The following SLC9B2 variants were observed in gnomAD, a reference collection of about 807,000 sequenced individuals.
SLC9B2 encodes solute carrier family 9 member B2.
A neutral mutation model predicts 52.2 loss-of-function variants in SLC9B2; 39 were observed. The ratio of observed to expected loss-of-function variants is 0.75; its 90% CI spans 0.58 to 0.98. The LOEUF is 0.98. Among genes scored for constraint, SLC9B2 ranks in the 50% least tolerant of loss-of-function variants. SLC9B2 has a pLI of 0.00. For missense variants in SLC9B2, 626 were observed against 637.5 expected (o/e 0.98, Z 0.19); for synonymous variants, 214 against 227.0 (o/e 0.94, Z 0.51).
intron 9 of SLC9B2, among the ~76,000 whole-genome samples, chr4:103,042,782 T>C (rs1382066062): frequency 6.6e-6 from 1 of 151,670 alleles, no homozygotes; most frequent in Non-Finnish European, 1.5e-5. Flanking sequence ...TAGAAATTTA[T>C]TGTATAAACT....
At chr4:103,067,638 G>A (rs1165922715) in intron 1 of SLC9B2, 46 bp from the exon 2 acceptor site, 2 of 1,081,312 alleles carry the variant, frequency 1.8e-6, no homozygotes, top group Non-Finnish European at 2.8e-6. Context: ...TGAAAGTCTT[G>A]TGATTTCAAA....
At chr4:103,070,987 C>T (rs968125883) in intron 1 of SLC9B2, among the ~76,000 whole-genome samples, 3 of 151,968 alleles carry the variant, frequency 2.0e-5, no homozygotes, top group African/African-American at 7.3e-5. Context: ...CCTTTTCTCC[C>T]CACTTGAAAG....
intron 4 of SLC9B2, among the ~76,000 whole-genome samples, chr4:103,057,480 T>A (rs982042667): frequency 6.6e-6 from 1 of 151,640 alleles, no homozygotes. Flanking sequence ...ATTTTTGTAT[T>A]TTTTTTGTAG....
intron 1 of SLC9B2, among the ~76,000 whole-genome samples, chr4:103,068,101 A>G (rs1161326420): frequency 1.3e-5 from 2 of 152,236 alleles, no homozygotes; most frequent in Non-Finnish European, 2.9e-5. Flanking sequence ...AGAATGTCTC[A>G]GACACTATGA....
At chr4:103,029,974 G>C (rs897741110) in intron 10 of SLC9B2, among the ~76,000 whole-genome samples, 3 of 152,116 alleles carry the variant, frequency 2.0e-5, no homozygotes, top group Non-Finnish European at 4.4e-5. Flanking sequence ...TTATGGGAAA[G>C]TTTTGTGGTT....
At chr4:103,059,495 T>C (rs796362422) in intron 3 of SLC9B2, among the ~76,000 whole-genome samples, 4 of 152,362 alleles carry the variant, frequency 2.6e-5, no homozygotes, top group South Asian at 2.1e-4. Context: ...GATAGCTTAA[T>C]GTTGTAGAAT....
chr4:103,067,739 A>T (rs1746274471), intron 1 of SLC9B2, 147 bp from the exon 2 acceptor site: 1 of 567,152 alleles, frequency 1.8e-6, no homozygotes, highest in South Asian at 2.2e-5. Flanking sequence ...ATGGCTGGTT[A>T]TTGTTTTTGC....
At chr4:103,041,228 G>A (rs1487367044) in intron 9 of SLC9B2, among the ~76,000 whole-genome samples, 1 of 152,074 alleles carries the variant, frequency 6.6e-6, no homozygotes, top group Non-Finnish European at 1.5e-5. Context: ...AAAGGAATGG[G>A]TAAAAAAACC....
At chr4:103,026,817 C>T (rs1029273072) in intron 11 of SLC9B2, among the ~76,000 whole-genome samples, 4 of 151,960 alleles carry the variant, frequency 2.6e-5, no homozygotes, top group Non-Finnish European at 4.4e-5. Context: ...TGCACATGTA[C>T]CCTAAAACTT....
chr4:103,041,699 C>T (rs1743657708), intron 9 of SLC9B2, among the ~76,000 whole-genome samples: 1 of 152,112 alleles, frequency 6.6e-6, no homozygotes, highest in Non-Finnish European at 1.5e-5. Flanking sequence ...TTTAAATACA[C>T]ATGGTAAGTG....
At chr4:103,038,674 A>C (rs1187844119) in intron 9 of SLC9B2, among the ~76,000 whole-genome samples, 1 of 152,188 alleles carries the variant, frequency 6.6e-6, no homozygotes, top group South Asian at 2.1e-4. Context: ...ACAAAGGAGA[A>C]AGTTAAGATA....
intron 1 of SLC9B2, among the ~76,000 whole-genome samples, chr4:103,071,069 A>C (rs2110670731): frequency 6.6e-6 from 1 of 152,298 alleles, no homozygotes; most frequent in South Asian, 2.1e-4. Context: ...CAGAAAAAAA[A>C]AATCCTTTAA....
At position 103,044,884 on chromosome 4, in the gene SLC9B2, T is replaced by G; in HGVS notation, c.996+6A>C. 6.2e-7 allele frequency: 1 copy of G among 1,607,170 alleles called. No homozygotes were observed. The highest frequency in any genetic ancestry group is 1.1e-5 in the South Asian group (1 of 90,788). On this transcript the variant is annotated splice_donor_region_variant and intron_variant, in intron 8 of 11. Transcript: ENST00000394785. ...GCACAACTTTCCCACATATTATTTC[T>G]TTCACCTGGTCACGGCTTGGAAAGT...
intron 10 of SLC9B2, among the ~76,000 whole-genome samples, chr4:103,031,479 A>C (rs909535339): frequency 6.6e-6 from 1 of 152,140 alleles, no homozygotes; most frequent in Non-Finnish European, 1.5e-5. Context: ...ACAATATTAA[A>C]TGTGTAAAAT....
At chr4:103,064,268 G>A (rs1368270924) in intron 3 of SLC9B2, among the ~76,000 whole-genome samples, 1 of 152,118 alleles carries the variant, frequency 6.6e-6, no homozygotes, top group Non-Finnish European at 1.5e-5. Flanking sequence ...ATGAATGACT[G>A]GATGAAGAAA....
intron 9 of SLC9B2, 39 bp downstream of exon 9, chr4:103,043,257 A>G (rs1743787763): frequency 6.4e-7 from 1 of 1,568,078 alleles, no homozygotes; most frequent in African/African-American, 1.4e-5. Context: ...ATCTCATTAG[A>G]AAAGAGTCAT....
At chr4:103,037,342 C>A (rs1393026580) in intron 9 of SLC9B2, among the ~76,000 whole-genome samples, 1 of 152,096 alleles carries the variant, frequency 6.6e-6, no homozygotes, top group Admixed American at 6.5e-5. Flanking sequence ...TACCAATTGG[C>A]CTATGGTAAA....
At chr4:103,060,779 C>T (rs1010940689) in intron 3 of SLC9B2, among the ~76,000 whole-genome samples, 27 of 152,276 alleles carry the variant, frequency 1.8e-4, no homozygotes, top group Admixed American at 9.2e-4. Flanking sequence ...TTAAAAGCTT[C>T]CCATCCAAGA....
At chr4:103,039,567 C>A (rs1344499792) in intron 9 of SLC9B2, among the ~76,000 whole-genome samples, 11 of 151,974 alleles carry the variant, frequency 7.2e-5, no homozygotes, top group African/African-American at 1.2e-4. Flanking sequence ...ATGGAGAGTA[C>A]CTGCCACACG....
Sources: gnomAD v4.1 joint callset for allele counts (sites outside exome capture counted in the v4.1 genomes callset) on GRCh38, gnomAD v4.1.1 for gene constraint, MANE v1.5 for transcripts, NCBI Gene and HGNC (gene_info 2026-07-23, HGNC 2026-07-21) for gene names.